Variants in RGS7 observed in about 807,000 individuals in gnomAD.
RGS7 encodes the protein regulator of G-protein signaling 7.
Under a neutral mutation model 81.1 loss-of-function variants are expected in RGS7, and 27 were observed. The ratio of observed to expected loss-of-function variants is 0.33; its 90% CI spans 0.25 to 0.46. RGS7 has a LOEUF of 0.46. Among genes scored for constraint, RGS7 ranks in the 20% least tolerant of loss-of-function variants. RGS7 has a pLI of 1.00. For synonymous variants in RGS7, 208 were observed against 207.7 expected (o/e 1.00, Z -0.01); for missense variants, 396 against 607.4 (o/e 0.65, Z 3.66).
chr1:240,793,701 C>T (rs1393433487), intron 18 of RGS7, among the ~76,000 whole-genome samples: 1 of 149,334 alleles, frequency 6.7e-6, no homozygotes, highest in Admixed American at 6.7e-5. Flanking sequence ...GCTCCACCTT[C>T]CCGGTTCACG....
At chr1:240,796,898 T>C (rs920816120) in intron 18 of RGS7, among the ~76,000 whole-genome samples, 1 of 152,192 alleles carries the variant, frequency 6.6e-6, no homozygotes, top group African/African-American at 2.4e-5. Flanking sequence ...CTTTTTTCTA[T>C]TGATTCTTTT....
At chr1:240,889,800 G>T (rs1285943455) in intron 6 of RGS7, among the ~76,000 whole-genome samples, 1 of 152,074 alleles carries the variant, frequency 6.6e-6, no homozygotes, top group Non-Finnish European at 1.5e-5. Flanking sequence ...TGAAATACCA[G>T]CACAGAACAT....
intron 5 of RGS7, among the ~76,000 whole-genome samples, chr1:240,934,228 G>A (rs1385210750): frequency 3.9e-5 from 6 of 152,184 alleles, no homozygotes; most frequent in Non-Finnish European, 8.8e-5. Flanking sequence ...TCAAAGTGCT[G>A]GGATCACAGG....
At chr1:240,875,951 T>G (rs891831838) in intron 6 of RGS7, among the ~76,000 whole-genome samples, 4 of 152,222 alleles carry the variant, frequency 2.6e-5, no homozygotes, top group African/African-American at 9.6e-5. Context: ...TTGGCAAAAG[T>G]TTAAAGCTCC....
At chr1:240,937,635 T>C (rs1676869143) in intron 4 of RGS7, among the ~76,000 whole-genome samples, 1 of 152,220 alleles carries the variant, frequency 6.6e-6, no homozygotes, top group Non-Finnish European at 1.5e-5. Context: ...GCAGTTGCAT[T>C]TGGCATTTAT....
Position 241,165,886 on chromosome 1 carries a change from AT to A in RGS7, c.79-67125del, listed in dbSNP as rs761721061. 2.6e-5 allele frequency among the ~76,000 whole-genome samples: 4 copies of A among 152,182 alleles called. No individual in the cohort carries two copies. In the East Asian group the frequency reaches 5.8e-4, roughly 22 times the overall value. On this transcript the variant is annotated intron_variant, in intron 2 of 18. Transcript: ENST00000440928. ...TTACCCAACAGCAGTAGTTCTCAAA[AT>A]TTGGCCCCCAGATCAGAAGCATCTG...
chr1:241,121,721 T>TTTTTC (rs2066273425), intron 2 of RGS7, among the ~76,000 whole-genome samples: 1 of 138,198 alleles, frequency 7.2e-6, no homozygotes, highest in Non-Finnish European at 1.6e-5. Flanking sequence ...TTTTTTTTTT[T>TTTTTC]TTTTTTTTTT....
intron 15 of RGS7, among the ~76,000 whole-genome samples, chr1:240,804,226 C>A (rs1316735283): frequency 2.6e-5 from 4 of 152,098 alleles, no homozygotes; most frequent in Non-Finnish European, 5.9e-5. Context: ...AAATGTGTAG[C>A]AAAGCATGGG....
intron 2 of RGS7, among the ~76,000 whole-genome samples, chr1:241,321,522 A>C (rs1179810428): frequency 3.9e-5 from 6 of 152,210 alleles, no homozygotes; most frequent in East Asian, 1.9e-4. Context: ...ATCTTCATGC[A>C]GATTAAAAGA....
intron 9 of RGS7, among the ~76,000 whole-genome samples, chr1:240,857,158 CT>C (rs1558362521): frequency 6.6e-6 from 1 of 152,138 alleles, no homozygotes; most frequent in Non-Finnish European, 1.5e-5. Context: ...GTTCATTATA[CT>C]CTCCTATGAT....
At chr1:241,115,016 T>C (rs1296705845) in intron 2 of RGS7, among the ~76,000 whole-genome samples, 3 of 152,134 alleles carry the variant, frequency 2.0e-5, no homozygotes, top group African/African-American at 4.8e-5. Context: ...TACTTTTAAA[T>C]TGGAAAGGAA....
intron 2 of RGS7, among the ~76,000 whole-genome samples, chr1:241,111,674 G>A (rs773937135): frequency 8.6e-5 from 13 of 152,038 alleles, no homozygotes; most frequent in Admixed American, 7.2e-4. Flanking sequence ...GATGGCCACT[G>A]GGCATCACAG....
rs1165591408 is a variant in RGS7 at position 240,868,155 on chromosome 1, A to AAAGAAAGAAAGAAAGAAAGAAAGG, written c.609+431_609+432insCCTTTCTTTCTTTCTTTCTTTCTT. On this transcript the variant is annotated intron_variant, in intron 9 of 18. Coordinates refer to ENST00000440928, the MANE Select transcript of RGS7 (RefSeq NM_001364886.1). The surrounding 1 kb of genome is among the most constrained non-coding windows in gnomAD (Gnocchi z 5.1). Reference sequence around the variant, plus strand: ...GAAAGAAAGAAAGAAAGAAAGAAAGAAAGGACGGAGGGAGGGAAGGACGAA... The same window carrying AAAGAAAGAAAGAAAGAAAGAAAGG: ...GAAAGAAAGAAAGAAAGAAAGAAAGAAAGAAAGAAAGAAAGAAAGAAAGGAAGGACGGAGGGAGGGAAGGACGAA... Among the ~76,000 whole-genome samples the AAAGAAAGAAAGAAAGAAAGAAAGG allele has an allele frequency of 1.3e-5, 2 of 148,886 alleles. No homozygotes were observed. Among genetic ancestry groups the AAAGAAAGAAAGAAAGAAAGAAAGG allele is most frequent in the Non-Finnish European group, 1.5e-5 (1 of 67,330 alleles).
chr1:241,228,222 G>C (rs1199204725), intron 2 of RGS7, among the ~76,000 whole-genome samples: 2 of 152,108 alleles, frequency 1.3e-5, no homozygotes, highest in African/African-American at 4.8e-5. Flanking sequence ...TGTCCACCCC[G>C]GCCACAATGC....
chr1:241,127,269 C>T (rs2103021710), intron 2 of RGS7, among the ~76,000 whole-genome samples: 1 of 152,230 alleles, frequency 6.6e-6, no homozygotes, highest in South Asian at 2.1e-4. Flanking sequence ...ATTTTTTAAG[C>T]TCACATACAA....
chr1:241,274,890 T>C (rs956873275), intron 2 of RGS7, among the ~76,000 whole-genome samples: 1 of 152,228 alleles, frequency 6.6e-6, no homozygotes, highest in Non-Finnish European at 1.5e-5. Flanking sequence ...AAACATGTGC[T>C]TTCAGATAAC....
intron 18 of RGS7, among the ~76,000 whole-genome samples, chr1:240,798,411 T>A (rs1687435477): frequency 6.6e-6 from 1 of 152,122 alleles, no homozygotes; most frequent in Non-Finnish European, 1.5e-5. Context: ...GGCTGGAACA[T>A]GTAAATCAAC....
In RGS7 at chr1:241,232,208, CTCTT is replaced by C. The variant is rs1396059541; in HGVS notation, c.78+123487_78+123490del. On this transcript the variant is annotated intron_variant, in intron 2 of 18. Transcript: ENST00000440928. Reference sequence around the variant, plus strand: ...ATATGTCTATTCTCTCTCTCTCTCTCTCTTTCTCTCTCTCTTTTGAGATGCCAGA... The same window carrying C: ...ATATGTCTATTCTCTCTCTCTCTCTCTCTCTCTCTCTTTTGAGATGCCAGA... Among the ~76,000 whole-genome samples, 63 of 147,476 alleles carry C rather than the reference CTCTT, an allele frequency of 4.3e-4. 2 individuals are homozygous for C. Among genetic ancestry groups the C allele is most frequent in the East Asian group, 2.6e-3 (13 of 4,956 alleles).
chr1:240,886,477 A>G (rs1218245873), intron 6 of RGS7, among the ~76,000 whole-genome samples: 2 of 152,342 alleles, frequency 1.3e-5, no homozygotes, highest in Non-Finnish European at 2.9e-5. Flanking sequence ...CTTGCTTAAT[A>G]AAATAACTGT....
Sources: allele counts gnomAD v4.1 joint callset (sites outside exome capture counted in the v4.1 genomes callset), GRCh38; gene constraint gnomAD v4.1.1; non-coding constraint Gnocchi (gnomAD v3.1); transcripts MANE v1.5; gene names NCBI Gene and HGNC (gene_info 2026-07-23, HGNC 2026-07-21).